Variants in BRAF observed in about 807,000 individuals in gnomAD.
The protein encoded by BRAF is serine/threonine-protein kinase B-raf.
A neutral mutation model predicts 104.6 loss-of-function variants in BRAF; 16 were observed. The observed-to-expected ratio is 0.15, with a 90% CI of 0.10 to 0.23. BRAF has a LOEUF of 0.23. Ranked by LOEUF, BRAF falls within the 10% of genes least tolerant of loss-of-function variation. BRAF has a pLI of 1.00. For missense variants in BRAF, 541 were observed against 937.3 expected, an observed-to-expected ratio of 0.58 and a Z score of 5.52; for synonymous variants, 310 against 341.6, an observed-to-expected ratio of 0.91 and a Z score of 1.02.
At position 140,923,684 on chromosome 7, in the gene BRAF, G is replaced by C. The variant is rs149838239; in HGVS notation, c.138+882C>G. Among the ~76,000 whole-genome samples the C allele has an allele frequency of 3.2e-3, 482 of 152,338 alleles. 10 individuals carry two copies. Among genetic ancestry groups the C allele is most frequent in the East Asian group, 3.3e-3 (17 of 5,186 alleles). ...GGAATCTTGACAGCTTCTGGGCTCA[G>C]AAAACAAGTAGCTCCAAAGTGTCCA... On this transcript the variant is annotated intron_variant, in intron 1 of 19. Transcript: ENST00000644969.
chr7:140,728,112 T>TA (rs1358948174), intron 19 of BRAF, among the ~76,000 whole-genome samples: 1 of 152,224 alleles, frequency 6.6e-6, no homozygotes, highest in African/African-American at 2.4e-5. Context: ...CTCAGCTTTG[T>TA]AAGCTGATAG....
intron 13 of BRAF, among the ~76,000 whole-genome samples, 156 bp downstream of exon 12, chr7:140,777,835 T>C (rs1004407064): frequency 1.3e-5 from 2 of 152,218 alleles, no homozygotes; most frequent in African/African-American, 4.8e-5. Context: ...CTTAAAAGAA[T>C]GTGGTTAAAG....
At position 140,830,893 on chromosome 7, in the gene BRAF, G is replaced by A. The variant is rs192899328; in HGVS notation, c.504+3716C>T. ...TTTACCTCTTGTAACATCCTTTATA[G>A]CAAACCAGTAAATGTTAAGTGTTTC... On this transcript the variant is annotated intron_variant, in intron 3 of 19. Coordinates refer to ENST00000644969, the MANE Select transcript of BRAF (RefSeq NM_001374258.1). Among the ~76,000 whole-genome samples the A allele has an allele frequency of 2.2e-4, 34 of 152,192 alleles. No individual in the cohort carries two copies. The East Asian group carries it at 6.4e-3, about 29-fold the overall frequency.
In BRAF at chr7:140,884,427, A is replaced by ATG. The variant is rs1491354147; in HGVS notation, c.139-34216_139-34215insCA. ...TCAGGATCTCTTATATATATATAAGATATGTGTGTGTGTGTGTGTGTGTGT... is the reference window on the plus strand; with the variant it reads ...TCAGGATCTCTTATATATATATAAGATGTATGTGTGTGTGTGTGTGTGTGTGT... On this transcript the variant is annotated intron_variant, in intron 1 of 19. Transcript: ENST00000644969. 4.4e-3 allele frequency among the ~76,000 whole-genome samples: 509 copies of ATG among 114,656 alleles called. 4 individuals are homozygous for ATG. The highest frequency in any genetic ancestry group is 0.011 in the African/African-American group (341 of 31,032). The allele number at this position is 114,656 out of a possible 152,430, so 75.2% of individuals were successfully genotyped here. A position where few individuals can be genotyped will look rare whatever the true frequency, so the allele number is the denominator to read the frequency against.
At chr7:140,754,080 T>C in intron 15 of BRAF, 107 bp downstream of exon 14, 1 of 1,125,106 alleles carries the variant, frequency 8.9e-7, no homozygotes, top group Admixed American at 1.7e-5. Flanking sequence ...CTCTTTACAG[T>C]ATATCGAACT....
Position 140,850,165 on chromosome 7 carries a change from C to T in BRAF, c.186G>A (p.Glu62=). 6.2e-7 allele frequency: 1 copy of T among 1,612,184 alleles called. No individual in the cohort carries two copies. The highest frequency in any genetic ancestry group is 1.1e-5 in the South Asian group (1 of 90,912). The change falls in exon 2 of 20, where the codon GAG becomes GAA. Residue 62 remains glutamate, a synonymous_variant. Coordinates refer to ENST00000644969, the MANE Select transcript of BRAF (RefSeq NM_001374258.1). Reference sequence around the variant, plus strand: ...CCCCACCAAATTTGTCCAATAGGGCCTCTATATGTTCCTGTGTCAACTTAA... The same window carrying T: ...CCCCACCAAATTTGTCCAATAGGGCTTCTATATGTTCCTGTGTCAACTTAA... ...QMIKLTQEHI[E]ALLDKFGGEH...
intron 14 of BRAF, among the ~76,000 whole-genome samples, chr7:140,771,446 G>A (rs1328553789): frequency 1.3e-5 from 2 of 152,062 alleles, no homozygotes; most frequent in Non-Finnish European, 2.9e-5. Flanking sequence ...CTCCTGCCTT[G>A]GCCTCACAAA....
chr7:140,783,419 T>C, intron 10 of BRAF: 1 of 347,222 alleles, frequency 2.9e-6, no homozygotes, highest in Non-Finnish European at 5.2e-6. Flanking sequence ...TGGTGCAAAA[T>C]CTAGGAGAAA....
intron 14 of BRAF, among the ~76,000 whole-genome samples, chr7:140,772,120 G>A (rs1361771155): frequency 6.6e-6 from 1 of 152,094 alleles, no homozygotes; most frequent in Non-Finnish European, 1.5e-5. Flanking sequence ...CCAAACATGA[G>A]GCTGAAATGA....
chr7:140,873,584 A>C lies in BRAF; in HGVS notation c.139-23372T>G, dbSNP rs190987197. On this transcript the variant is annotated intron_variant, in intron 1 of 19. Transcript: ENST00000644969. The stretch of plus-strand genomic sequence containing the variant: ...ACTGTGTGTGTGTGAGGGTGTTGAC[A>C]ATTGATTTGGAGTGCTGTGAATTTA... Among the ~76,000 whole-genome samples the C allele has an allele frequency of 1.1e-4, 16 of 152,200 alleles. No individual in the cohort carries two copies. In the South Asian group the frequency reaches 1.5e-3, roughly 14 times the overall value.
chr7:140,878,106 A>G (rs1350934611), intron 1 of BRAF, among the ~76,000 whole-genome samples: 1 of 152,186 alleles, frequency 6.6e-6, no homozygotes, highest in Non-Finnish European at 1.5e-5. Flanking sequence ...ATATAGATAC[A>G]AGGTCAAAAA....
chr7:140,761,817 C>T (rs189739904), intron 14 of BRAF, among the ~76,000 whole-genome samples: 12,884 of 152,088 alleles, frequency 0.085, 721 homozygotes, highest in Non-Finnish European at 0.12. Context: ...GGTAAAGGGA[C>T]CAATTCAACA....
At chr7:140,731,114 C>T (rs1191505712) in intron 19 of BRAF, 3 of 152,222 alleles carry the variant, frequency 2.0e-5, no homozygotes, top group Non-Finnish European at 4.4e-5. Flanking sequence ...CCCCCAGGTT[C>T]AAGGGATCCT....
downstream of BRAF, among the ~76,000 whole-genome samples, chr7:140,714,955 C>G (rs767857206): frequency 6.6e-6 from 1 of 152,244 alleles, no homozygotes; most frequent in Admixed American, 6.5e-5. Context: ...CAGCAGGAAT[C>G]AAGGTCTCGC....
Position 140,721,621 on chromosome 7 carries a change from T to C in BRAF, c.*4873A>G, listed in dbSNP as rs1361904999. 2 of 1,535,722 alleles carry C rather than the reference T, an allele frequency of 1.3e-6. No homozygotes were observed. The highest frequency in any genetic ancestry group is 2.4e-5 in the South Asian group (2 of 83,896). ...TCTGGCCAAGCTACAAATCATCACC[T>C]GAGGCAGAGATGCTACTACCCTCTT... On this transcript the variant is annotated 3_prime_UTR_variant, in exon 20 of 20. Transcript: ENST00000644969.
chr7:140,808,345 G>C (rs919795364), intron 4 of BRAF: 1 of 439,698 alleles, frequency 2.3e-6, no homozygotes, highest in African/African-American at 2.4e-5. Flanking sequence ...GATTGTTCCT[G>C]GGGTCCAAAA....
rs2129029557 is a variant in BRAF at position 140,785,798 on chromosome 7, G to C, written c.1188C>G (p.Asn396Lys). 1 of 398,990 alleles carries C rather than the reference G, an allele frequency of 2.5e-6. No homozygotes were observed. 24.7% of individuals were successfully genotyped at this position (398,990 alleles called of 1,614,324 possible). A position where few individuals can be genotyped will look rare whatever the true frequency, so the allele number is the denominator to read the frequency against. The change falls in exon 10 of 20, where the codon AAC (asparagine) becomes AAG (lysine). Residue 396 changes from asparagine to lysine, a missense_variant. Transcript: ENST00000644969. ...ATTTCCGAAGACAGCGCATCAGCTG[G>C]TTCAAAGGGGCTGTTAGAAGAGAAA... Reference protein sequence around the residue: ...QGFRGDGAPLNQLMRCLRKYQ... With the variant: ...QGFRGDGAPLKQLMRCLRKYQ...
chr7:140,803,409 C>T (rs1586220616), intron 5 of BRAF, among the ~76,000 whole-genome samples: 2 of 152,056 alleles, frequency 1.3e-5, no homozygotes, highest in East Asian at 3.9e-4. Context: ...GAATCAGAAC[C>T]CCTGATCTAT....
In BRAF at chr7:140,783,278, G is replaced by T. The variant is rs1048979018; in HGVS notation, c.1298-121C>A. ...AAAATGTAGTGCATGTTTAAATATAGACCTTTTGGAAAGGATGGGCCAAAA... is the reference window on the plus strand; with the variant it reads ...AAAATGTAGTGCATGTTTAAATATATACCTTTTGGAAAGGATGGGCCAAAA... On this transcript the variant is annotated intron_variant, in intron 10 of 19. Transcript: ENST00000644969. The T allele has an allele frequency of 7.1e-6, 9 of 1,276,564 alleles. No individual in the cohort carries two copies. The East Asian group carries it at 1.5e-4, about 22-fold the overall frequency. 79.1% of individuals were successfully genotyped at this position (1,276,564 alleles called of 1,614,324 possible).
Sources: allele counts gnomAD v4.1 joint callset (sites outside exome capture counted in the v4.1 genomes callset), GRCh38; gene constraint gnomAD v4.1.1; transcripts MANE v1.5; gene names NCBI Gene and HGNC (gene_info 2026-07-23, HGNC 2026-07-21).